YME1L1: variants seen among roughly 807,000 people sequenced by gnomAD.
YME1L1 encodes YME1 like 1 ATPase.
Under a neutral mutation model 90.4 loss-of-function variants are expected in YME1L1, and 39 were observed. That is an observed-to-expected ratio of 0.43 (90% CI 0.33 to 0.56). The LOEUF (loss-of-function observed/expected upper bound fraction) is 0.56, where lower values mean the gene tolerates loss of function less well. Among genes scored for constraint, YME1L1 ranks in the 20% least tolerant of loss-of-function variants. YME1L1 has a pLI of 0.03. For missense variants in YME1L1, 617 were observed against 868.4 expected (o/e 0.71, Z 3.64); for synonymous variants, 284 against 287.3 (o/e 0.99, Z 0.12).
intron 8 of YME1L1, among the ~76,000 whole-genome samples, chr10:27,131,628 CCA>C (rs1306214182): frequency 6.6e-6 from 1 of 152,202 alleles, no homozygotes; most frequent in Non-Finnish European, 1.5e-5. Flanking sequence ...ACTCTGAAGT[CCA>C]CATTCACTCC....
chr10:27,116,845 T>G (rs1018746686), intron 15 of YME1L1, among the ~76,000 whole-genome samples: 1 of 151,726 alleles, frequency 6.6e-6, no homozygotes, highest in Non-Finnish European at 1.5e-5. Context: ...CTGGGCAACA[T>G]CGCGAGACTC....
chr10:27,127,969 T>A (rs2056938126), intron 8 of YME1L1, among the ~76,000 whole-genome samples: 1 of 152,142 alleles, frequency 6.6e-6, no homozygotes, highest in Non-Finnish European at 1.5e-5. Context: ...TAATTCCAAT[T>A]TTAAGCTGTA....
At chr10:27,120,126 T>A (rs35416395) in intron 13 of YME1L1, among the ~76,000 whole-genome samples, 15,061 of 152,190 alleles carry the variant, frequency 0.099, 1,064 homozygotes, top group East Asian at 0.3. Context: ...GCAGCTTTTT[T>A]AAATTATTTT....
intron 7 of YME1L1, 67 bp downstream of exon 7, chr10:27,133,972 G>T: frequency 9.4e-7 from 1 of 1,068,506 alleles, no homozygotes; most frequent in Non-Finnish European, 1.4e-6. Context: ...GGTTAGATTA[G>T]GCATTAAAAG....
At chr10:27,153,230 G>A (rs1470349003) in intron 1 of YME1L1, 4 of 470,494 alleles carry the variant, frequency 8.5e-6, no homozygotes, top group Non-Finnish European at 1.8e-5. Context: ...TGCTCACCTG[G>A]TACATAACTG....
At chr10:27,150,913 C>T (rs1370162116) in intron 1 of YME1L1, among the ~76,000 whole-genome samples, 5 of 146,378 alleles carry the variant, frequency 3.4e-5, no homozygotes, top group African/African-American at 1.0e-4. Flanking sequence ...TTTATAGACT[C>T]TCTCGCCTTT....
intron 4 of YME1L1, among the ~76,000 whole-genome samples, 173 bp downstream of exon 4, chr10:27,142,214 A>G (rs1449651832): frequency 6.6e-6 from 1 of 152,190 alleles, no homozygotes; most frequent in Non-Finnish European, 1.5e-5. Flanking sequence ...TAGCTCCTAT[A>G]TATTTTCCAG....
At chr10:27,128,584 A>G (rs1268086907) in intron 8 of YME1L1, among the ~76,000 whole-genome samples, 1 of 150,146 alleles carries the variant, frequency 6.7e-6, no homozygotes, top group Non-Finnish European at 1.5e-5. Context: ...CCGCTCCCCC[A>G]CCCCCCAAAA....
chr10:27,140,840 T>C (rs73598030), intron 4 of YME1L1, among the ~76,000 whole-genome samples: 7,910 of 152,228 alleles, frequency 0.052, 213 homozygotes, highest in African/African-American at 0.068. Flanking sequence ...TTTTCTGACA[T>C]TGAGAGAATC....
chr10:27,145,705 C>CT, intron 2 of YME1L1, 115 bp from the exon 3 acceptor site: 1 of 894,022 alleles, frequency 1.1e-6, no homozygotes, highest in Non-Finnish European at 1.6e-6. Flanking sequence ...AATATATTTC[C>CT]TTTTTTTAAT....
rs2057135658 is a variant in YME1L1, at chr10:27,145,563, A to T, written c.196T>A (p.Leu66Ile). Reference protein sequence around the residue: ...EPSLNLRDLGLSELKIGQIDQ... With the variant: ...EPSLNLRDLGISELKIGQIDQ... ...ATCTGTCCAATTTTTAGTTCAGATA[A>T]TCCAAGGTCCCTTAAGTTAAGTGAA... Residue 66 changes from leucine to isoleucine, a missense_variant, in exon 3 of 19, where the codon TTA becomes ATA. Transcript: ENST00000376016. The T allele has an allele frequency of 6.2e-7, 1 of 1,613,192 alleles. No homozygotes were observed. Among genetic ancestry groups the T allele is most frequent in the Admixed American group, 1.7e-5 (1 of 59,966 alleles).
At chr10:27,136,584 T>C (rs1014258737) in intron 4 of YME1L1, among the ~76,000 whole-genome samples, 199 bp from the exon 5 acceptor site, 2 of 152,154 alleles carry the variant, frequency 1.3e-5, no homozygotes, top group Non-Finnish European at 1.5e-5. Flanking sequence ...CTTGAACTCC[T>C]GGGCTCAAGC....
chr10:27,120,755 T>C (rs2056859173), intron 12 of YME1L1, among the ~76,000 whole-genome samples: 1 of 152,162 alleles, frequency 6.6e-6, no homozygotes, highest in South Asian at 2.1e-4. Context: ...TTCATTTAGA[T>C]ACACGTGTGT....
At chr10:27,131,762 A>G (rs1259883475) in intron 8 of YME1L1, 97 bp downstream of exon 8, 2 of 842,210 alleles carry the variant, frequency 2.4e-6, no homozygotes, top group East Asian at 5.3e-5. Flanking sequence ...ACACAATTTT[A>G]CCTATTCTAG....
intron 11 of YME1L1, 25 bp downstream of exon 11, chr10:27,122,811 ATATTC>A: frequency 6.2e-7 from 1 of 1,611,474 alleles, no homozygotes; most frequent in Admixed American, 1.7e-5. Context: ...AGGCATCACC[ATATTC>A]TAAGAAAAAA....
At chr10:27,149,371 T>C (rs1018420764) in intron 1 of YME1L1, among the ~76,000 whole-genome samples, 4 of 152,138 alleles carry the variant, frequency 2.6e-5, no homozygotes, top group South Asian at 4.2e-4. Context: ...ATTTAAAAAA[T>C]AGTAGAAAGC....
intron 1 of YME1L1, among the ~76,000 whole-genome samples, chr10:27,151,653 G>A (rs1302131994): frequency 1.3e-5 from 2 of 151,948 alleles, no homozygotes; most frequent in South Asian, 4.1e-4. Context: ...AGGCCGAGGC[G>A]GACGGATCAC....
At chr10:27,139,516 T>C (rs983508607) in intron 4 of YME1L1, among the ~76,000 whole-genome samples, 1 of 150,466 alleles carries the variant, frequency 6.6e-6, no homozygotes, top group African/African-American at 2.4e-5. Flanking sequence ...ATGGAATAAA[T>C]AGGGAACTCT....
intron 17 of YME1L1, 38 bp from the exon 18 acceptor site, chr10:27,114,645 C>A (rs2056793227): frequency 6.7e-7 from 1 of 1,481,616 alleles, no homozygotes; most frequent in Admixed American, 1.9e-5. Context: ...AACAGAAAAC[C>A]CCCAAACACC....
Sources: allele counts gnomAD v4.1 joint callset (sites outside exome capture counted in the v4.1 genomes callset), GRCh38; gene constraint gnomAD v4.1.1; transcripts MANE v1.5; gene names NCBI Gene and HGNC (gene_info 2026-07-23, HGNC 2026-07-21).